LUZP2: variants seen among roughly 807,000 people sequenced by gnomAD.
The protein encoded by LUZP2 is leucine zipper protein 2.
LUZP2 carries 52 observed loss-of-function variants against 51.6 expected under a neutral mutation model. The ratio of observed to expected loss-of-function variants is 1.01; its 90% CI spans 0.81 to 1.27. The LOEUF (loss-of-function observed/expected upper bound fraction) is 1.27, where lower values mean the gene tolerates loss of function less well. LUZP2 is among the 50% of genes most tolerant of loss of function. The probability of loss-of-function intolerance (pLI) is 0.00; values close to 1 mark genes in which losing one functional copy is unlikely to be tolerated. For missense variants in LUZP2, 436 were observed against 395.4 expected (o/e 1.10, Z -0.87); for synonymous variants, 154 against 137.3 (o/e 1.12, Z -0.85).
intron 1 of LUZP2, among the ~76,000 whole-genome samples, chr11:24,631,231 A>G (rs1372005518): frequency 6.6e-6 from 1 of 151,760 alleles, no homozygotes. Flanking sequence ...CTATGTTGAA[A>G]ATGAGTGGTG....
At chr11:24,967,930 C>T (rs746739776) in intron 7 of LUZP2, among the ~76,000 whole-genome samples, 4 of 151,948 alleles carry the variant, frequency 2.6e-5, no homozygotes, top group East Asian at 1.9e-4. Context: ...TTTTATGTTG[C>T]GATGGAGATT....
At chr11:24,586,748 A>C (rs1853080201) in intron 1 of LUZP2, among the ~76,000 whole-genome samples, 1 of 152,098 alleles carries the variant, frequency 6.6e-6, no homozygotes, top group Non-Finnish European at 1.5e-5. Context: ...ATTTACAGAC[A>C]ATAATTAATC....
intron 9 of LUZP2, among the ~76,000 whole-genome samples, chr11:25,011,794 G>A (rs190907743): frequency 1.8e-4 from 27 of 151,916 alleles, no homozygotes; most frequent in African/African-American, 5.8e-4. Context: ...CAGGGTATTC[G>A]GGGCATCTAT....
At chr11:24,959,731 A>G (rs1403735810) in intron 7 of LUZP2, among the ~76,000 whole-genome samples, 1 of 152,148 alleles carries the variant, frequency 6.6e-6, no homozygotes, top group African/African-American at 2.4e-5. Flanking sequence ...TTCCTAATTG[A>G]ATACCCTTTA....
At chr11:24,736,419 T>C (rs962310642) in intron 3 of LUZP2, among the ~76,000 whole-genome samples, 2 of 152,002 alleles carry the variant, frequency 1.3e-5, no homozygotes, top group Admixed American at 6.6e-5. Context: ...AATTTTATTG[T>C]GTTTCACTCA....
At chr11:25,027,102 C>T (rs1413949243) in intron 9 of LUZP2, among the ~76,000 whole-genome samples, 1 of 151,792 alleles carries the variant, frequency 6.6e-6, no homozygotes, top group African/African-American at 2.4e-5. Context: ...TTTAACAATA[C>T]CATTGTATAC....
chr11:24,930,326 G>C (rs1372510495), intron 7 of LUZP2, among the ~76,000 whole-genome samples: 3 of 152,066 alleles, frequency 2.0e-5, no homozygotes, highest in African/African-American at 7.2e-5. Flanking sequence ...TATGAGTCCT[G>C]TGAAATTTAT....
At chr11:24,851,783 C>T (rs1343531342) in intron 5 of LUZP2, among the ~76,000 whole-genome samples, 1 of 152,150 alleles carries the variant, frequency 6.6e-6, no homozygotes, top group African/African-American at 2.4e-5. Flanking sequence ...TAATTACAGC[C>T]TCAATTTCAG....
At chr11:24,906,157 C>A (rs1174365920) in intron 6 of LUZP2, 104 bp downstream of exon 6, 7 of 605,116 alleles carry the variant, frequency 1.2e-5, no homozygotes, top group South Asian at 2.8e-5. Flanking sequence ...CCTCCTAATA[C>A]AAATGCCAAT....
chr11:24,991,540 ACTAT>A (rs989821302), intron 9 of LUZP2, among the ~76,000 whole-genome samples: 3 of 151,588 alleles, frequency 2.0e-5, no homozygotes, highest in Non-Finnish European at 4.4e-5. Flanking sequence ...TGCGTGTGTA[ACTAT>A]CTTTTTCATT....
At chr11:24,969,395 T>C (rs1455023478) in intron 7 of LUZP2, among the ~76,000 whole-genome samples, 1 of 152,174 alleles carries the variant, frequency 6.6e-6, no homozygotes, top group Non-Finnish European at 1.5e-5. Context: ...GCAGGGTTCA[T>C]TGATTTCAGG....
chr11:25,048,656 A>G (rs931092604), intron 9 of LUZP2, among the ~76,000 whole-genome samples: 1 of 152,124 alleles, frequency 6.6e-6, no homozygotes, highest in African/African-American at 2.4e-5. Flanking sequence ...TTAATCCTAG[A>G]GAAATTAGAG....
chr11:24,520,819 G>T (rs1912140), intron 1 of LUZP2, among the ~76,000 whole-genome samples: 1 of 152,078 alleles, frequency 6.6e-6, no homozygotes, highest in Non-Finnish European at 1.5e-5. Flanking sequence ...TCCCAAGAGA[G>T]GACTCCCATT....
intron 5 of LUZP2, among the ~76,000 whole-genome samples, chr11:24,829,302 A>C (rs1200178756): frequency 6.6e-6 from 1 of 152,200 alleles, no homozygotes; most frequent in Non-Finnish European, 1.5e-5. Context: ...TACAAAATGA[A>C]GTCAGAAGAG....
At chr11:25,026,261 T>C (rs1306480145) in intron 9 of LUZP2, among the ~76,000 whole-genome samples, 6 of 152,012 alleles carry the variant, frequency 3.9e-5, no homozygotes, top group African/African-American at 1.2e-4. Flanking sequence ...CTGCATGTTG[T>C]GCACATGTAC....
chr11:24,783,757 T>C (rs1192350672), intron 5 of LUZP2, among the ~76,000 whole-genome samples: 4 of 151,962 alleles, frequency 2.6e-5, no homozygotes, highest in Admixed American at 6.6e-5. Context: ...CACACTGCAA[T>C]GCATTTCTCT....
chr11:24,842,536 C>G (rs932767156), intron 5 of LUZP2, among the ~76,000 whole-genome samples: 4 of 151,850 alleles, frequency 2.6e-5, no homozygotes, highest in South Asian at 2.1e-4. Context: ...CCTCTGTACT[C>G]AACAATTATA....
chr11:24,826,043 G>A (rs1319250348), intron 5 of LUZP2, among the ~76,000 whole-genome samples: 2 of 150,754 alleles, frequency 1.3e-5, no homozygotes, highest in Non-Finnish European at 3.0e-5. Flanking sequence ...CGCGGTGGCG[G>A]GCGCCTGTAG....
At chr11:24,512,410 T>A (rs1850339090) in intron 1 of LUZP2, among the ~76,000 whole-genome samples, 3 of 152,122 alleles carry the variant, frequency 2.0e-5, no homozygotes, top group Admixed American at 6.5e-5. Context: ...ATAGTACAAG[T>A]AAGACGTGGG....
Sources: gnomAD v4.1 joint callset for allele counts (sites outside exome capture counted in the v4.1 genomes callset) on GRCh38, gnomAD v4.1.1 for gene constraint, MANE v1.5 for transcripts, NCBI Gene and HGNC (gene_info 2026-07-23, HGNC 2026-07-21) for gene names.